Variants in EPB41L3 observed in about 807,000 individuals in gnomAD.
EPB41L3 encodes the protein band 4.1-like protein 3.
In EPB41L3, 57 loss-of-function variants were observed where a neutral mutation model predicts 127.1. That is an observed-to-expected ratio of 0.45 (90% CI 0.36 to 0.56). The LOEUF (loss-of-function observed/expected upper bound fraction) is 0.56, where lower values mean the gene tolerates loss of function less well. EPB41L3 is among the 20% of genes least tolerant of loss of function. The pLI, the probability that EPB41L3 is intolerant of heterozygous loss-of-function variation, is 0.00. For missense variants in EPB41L3, 1,273 were observed against 1,372.2 expected, an observed-to-expected ratio of 0.93 and a Z score of 1.14; for synonymous variants, 572 against 549.5, an observed-to-expected ratio of 1.04 and a Z score of -0.57.
rs139083901 is a variant in EPB41L3, at chr18:5,486,830, A to C, written c.183+2171T>G. Among the ~76,000 whole-genome samples, 618 of 152,332 alleles carry C rather than the reference A, an allele frequency of 4.1e-3. 3 individuals carry two copies. Among genetic ancestry groups the C allele is most frequent in the African/African-American group, 0.013 (552 of 41,566 alleles). The stretch of plus-strand genomic sequence containing the variant: ...ATATCAAAAAGACAGGCAGTAATAG[A>C]TGCTGGCAAGGATGTGGGGAAAGGA... On this transcript the variant is annotated intron_variant, in intron 2 of 22. Transcript: ENST00000341928.
chr18:5,534,305 T>A (rs904342208), intron 1 of EPB41L3, among the ~76,000 whole-genome samples: 1 of 152,266 alleles, frequency 6.6e-6, no homozygotes, highest in Non-Finnish European at 1.5e-5. Context: ...AACGCTCATT[T>A]GACAATAGTG....
chr18:5,498,188 C>A (rs1352574666), intron 1 of EPB41L3, among the ~76,000 whole-genome samples: 1 of 152,092 alleles, frequency 6.6e-6, no homozygotes, highest in Non-Finnish European at 1.5e-5. Flanking sequence ...TACTTGTTCC[C>A]AAGATACAAA....
chr18:5,511,991 A>C, intron 1 of EPB41L3, among the ~76,000 whole-genome samples: 1 of 152,244 alleles, frequency 6.6e-6, no homozygotes. Context: ...CAAGGAGATC[A>C]GGTAGCATTA....
At position 5,626,924 on chromosome 18, in the gene EPB41L3, G is replaced by A. The variant is rs192504935; in HGVS notation, c.-468+1998C>T. On this transcript the variant is annotated intron_variant, in intron 1 of 21. Transcript: ENST00000545076. Reference sequence around the variant, plus strand: ...GAAGAATCTGTGGCTCTTTGGCCTGGAGAAAAGAAGAAACAGAGAGAGATG... The same window carrying A: ...GAAGAATCTGTGGCTCTTTGGCCTGAAGAAAAGAAGAAACAGAGAGAGATG... Among the ~76,000 whole-genome samples the A allele has an allele frequency of 2.3e-3, 355 of 152,294 alleles. 1 individual carries two copies. The highest frequency in any genetic ancestry group is 8.3e-3 in the African/African-American group (343 of 41,566).
chr18:5,560,633 C>T (rs1438753770), intron 3 of EPB41L3, among the ~76,000 whole-genome samples: 2 of 152,144 alleles, frequency 1.3e-5, no homozygotes, highest in South Asian at 4.1e-4. Context: ...CCGCACCGTT[C>T]TGAAAACCGA....
At chr18:5,456,004 G>GAGGA (rs1390723075) in intron 3 of EPB41L3, among the ~76,000 whole-genome samples, 1 of 152,036 alleles carries the variant, frequency 6.6e-6, no homozygotes, top group Non-Finnish European at 1.5e-5. Flanking sequence ...TTTCCTGTGA[G>GAGGA]AGGAAGTACT....
rs930283784 is a variant in EPB41L3, at chr18:5,413,289, G to A, written c.2067+2529C>T. Among the ~76,000 whole-genome samples the A allele has an allele frequency of 3.3e-5, 5 of 152,164 alleles. No individual in the cohort carries two copies. In the East Asian group the frequency reaches 9.7e-4, roughly 29 times the overall value. ...GTTTGGGGAGGTAAGTTCATCTCAT[G>A]TTTCTTGATAGGATATTTTGATATC... On this transcript the variant is annotated intron_variant, in intron 13 of 22. Transcript: ENST00000341928.
chr18:5,474,276 A>T (rs1229183571), intron 3 of EPB41L3, among the ~76,000 whole-genome samples: 4 of 152,202 alleles, frequency 2.6e-5, no homozygotes, highest in African/African-American at 7.2e-5. Context: ...GAACACTACA[A>T]TGATCTAAGC....
chr18:5,528,939 C>T (rs2093325204), intron 1 of EPB41L3: 1 of 152,184 alleles, frequency 6.6e-6, no homozygotes, highest in African/African-American at 2.4e-5. Flanking sequence ...TGAACTGAAG[C>T]TTACTGCTTA....
At chr18:5,560,298 T>G (rs2094105968) in intron 3 of EPB41L3, among the ~76,000 whole-genome samples, 1 of 152,156 alleles carries the variant, frequency 6.6e-6, no homozygotes, top group Admixed American at 6.5e-5. Flanking sequence ...GAGTGATGGG[T>G]GAAGAACAGC....
At chr18:5,492,269 G>A (rs750028819) in intron 1 of EPB41L3, among the ~76,000 whole-genome samples, 13 of 152,014 alleles carry the variant, frequency 8.6e-5, no homozygotes, top group South Asian at 4.2e-4. Flanking sequence ...GCAGTGAGCC[G>A]AGATTGCACC....
chr18:5,397,448 C>A lies in EPB41L3; in HGVS notation c.2473-22G>T. 6.3e-7 allele frequency: 1 copy of A among 1,588,846 alleles called. No homozygotes were observed. The highest frequency in any genetic ancestry group is 8.6e-7 in the Non-Finnish European group (1 of 1,166,964). Reference sequence around the variant, plus strand: ...TTTTCTGCATGGGAAGAGATTGTGGCATCAGTGTGACCATCCATAAACCAA... The same window carrying A: ...TTTTCTGCATGGGAAGAGATTGTGGAATCAGTGTGACCATCCATAAACCAA... On this transcript the variant is annotated intron_variant, in intron 17 of 22. Transcript: ENST00000341928. The surrounding 1 kb of genome is among the most constrained non-coding windows in gnomAD (Gnocchi z 4.1).
chr18:5,398,586 G>T lies in EPB41L3; in HGVS notation c.2350-443C>A, dbSNP rs557386101. ...AAACGGAAAGGTTTGGGGTGGAAGG[G>T]GACTGCCTCAAAAACTGTCATGCTG... On this transcript the variant is annotated intron_variant, in intron 16 of 22. Transcript: ENST00000341928. The T allele has an allele frequency of 2.2e-4, 89 of 401,656 alleles. 1 individual carries two copies. The highest frequency in any genetic ancestry group is 1.5e-3 in the African/African-American group (75 of 48,732). The allele number at this position is 401,656 out of a possible 1,614,324, so 24.9% of individuals were successfully genotyped here.
chr18:5,609,571 G>A (rs1479392322), intron 3 of EPB41L3, among the ~76,000 whole-genome samples: 1 of 152,146 alleles, frequency 6.6e-6, no homozygotes, highest in Non-Finnish European at 1.5e-5. Context: ...GCTATTTTGA[G>A]TTTTGACATC....
chr18:5,543,875 C>T lies in EPB41L3; in HGVS notation c.-12+38G>A. The T allele has an allele frequency of 1.0e-6, 1 of 985,574 alleles. No homozygotes were observed. The highest frequency in any genetic ancestry group is 1.2e-6 in the Non-Finnish European group (1 of 830,042). 61.1% of individuals were successfully genotyped at this position (985,574 alleles called of 1,614,324 possible). ...CTCCGCACCTCGTAAAGCCGAGACC[C>T]CCTCGCAGTCCCCCACTCCGAGAGG... On this transcript the variant is annotated intron_variant, in intron 1 of 22. Transcript: ENST00000341928. This position sits in a 1 kb window ranked among gnomAD's most constrained non-coding sequence, Gnocchi z 5.2.
upstream of EPB41L3, chr18:5,630,414 A>T (rs556296719): frequency 7.7e-6 from 4 of 518,830 alleles, no homozygotes; most frequent in Admixed American, 5.8e-5. Context: ...CCCCTCCCGG[A>T]GCTTGTTCGC....
At chr18:5,518,190 C>A (rs527523576) in intron 1 of EPB41L3, among the ~76,000 whole-genome samples, 1 of 152,260 alleles carries the variant, frequency 6.6e-6, no homozygotes, top group African/African-American at 2.4e-5. Context: ...AGGGTCCACA[C>A]GGCCCTGCCA....
At chr18:5,433,405 A>T (rs981247432) in intron 8 of EPB41L3, 64 bp downstream of exon 8, 2 of 1,148,144 alleles carry the variant, frequency 1.7e-6, no homozygotes, top group African/African-American at 3.1e-5. Context: ...ACCAGCTTAC[A>T]GTAATAACAA....
intron 2 of EPB41L3, 142 bp from the exon 3 acceptor site, chr18:5,478,580 A>T: frequency 1.6e-5 from 11 of 692,076 alleles, no homozygotes; most frequent in Non-Finnish European, 2.4e-5. Context: ...ATAAATATAC[A>T]GATATTTATA....
Sources: gnomAD v4.1 joint callset for allele counts (sites outside exome capture counted in the v4.1 genomes callset) on GRCh38, gnomAD v4.1.1 for gene constraint, Gnocchi (gnomAD v3.1) non-coding constraint, MANE v1.5 for transcripts, NCBI Gene and HGNC (gene_info 2026-07-23, HGNC 2026-07-21) for gene names.